Variants in CBX6 observed in about 807,000 individuals in gnomAD.
CBX6 encodes the protein chromobox protein homolog 6.
CBX6 carries 7 observed loss-of-function variants against 28.4 expected under a neutral mutation model. The observed-to-expected ratio is 0.25, with a 90% CI of 0.14 to 0.46. The LOEUF (loss-of-function observed/expected upper bound fraction) is 0.46. Ranked by LOEUF, CBX6 falls within the 20% of genes least tolerant of loss-of-function variation. The probability of loss-of-function intolerance (pLI) is 0.99; values close to 1 mark genes in which losing one functional copy is unlikely to be tolerated. For synonymous variants in CBX6, 297 were observed against 273.4 expected, an observed-to-expected ratio of 1.09 and a Z score of -0.85; for missense variants, 512 against 606.1, an observed-to-expected ratio of 0.84 and a Z score of 1.63.
chr22:38,866,649 G>A lies in CBX6; in HGVS notation c.799C>T (p.Pro267Ser). ...GAGCCAGAGCTGCGGGCGTCGTAGG[G>A]GGCGGCGGGGGCGGCCAGAAGTAGC... ...PGLLLAAPAA[P>S]YDARSSGSSG... Residue 267 changes from proline to serine, a missense_variant, in exon 5 of 5, where the codon CCC (proline) becomes TCC (serine). Pro to Ser is a moderately conservative substitution (Grantham distance 74). Coordinates refer to ENST00000407418, the MANE Select transcript of CBX6 (RefSeq NM_014292.5). The surrounding 1 kb of genome is among the most constrained non-coding windows in gnomAD (Gnocchi z 7.5). 6.6e-7 allele frequency: 1 copy of A among 1,525,584 alleles called. No individual in the cohort carries two copies. The highest frequency in any genetic ancestry group is 8.8e-7 in the Non-Finnish European group (1 of 1,141,548). The allele number at this position is 1,525,584 out of a possible 1,614,324, so 94.5% of individuals were successfully genotyped here. A position where few individuals can be genotyped will look rare whatever the true frequency, so the allele number is the denominator to read the frequency against.
rs2093163060 is a variant in CBX6 at position 38,863,767 on chromosome 22, G to A, written c.*2442C>T. On this transcript the variant is annotated 3_prime_UTR_variant, in exon 5 of 5. Transcript: ENST00000407418. Reference sequence around the variant, plus strand: ...GAAGCCTGCATCCCCTTTCAGGCCAGGGAGGCTCAGAGAGGTTGTGGGCTT... The same window carrying A: ...GAAGCCTGCATCCCCTTTCAGGCCAAGGAGGCTCAGAGAGGTTGTGGGCTT... 6.6e-6 allele frequency: 1 copy of A among 152,232 alleles called. No homozygotes were observed. Among genetic ancestry groups the A allele is most frequent in the Non-Finnish European group, 1.5e-5 (1 of 68,072 alleles). 9.4% of individuals were successfully genotyped at this position (152,232 alleles called of 1,614,324 possible).
Position 38,871,684 on chromosome 22 carries a change from C to CAACT in CBX6, c.179+4_179+7dup. On this transcript the variant is annotated splice_region_variant and intron_variant, in intron 3 of 4. Coordinates refer to ENST00000407418, the MANE Select transcript of CBX6 (RefSeq NM_014292.5). This position sits in a 1 kb window ranked among gnomAD's most constrained non-coding sequence, Gnocchi z 5.6. ...TCGCAGCCCCTGCCAGCTTCCCCAACAACTCACTTTTGTTCGAAGGCTGCA... is the reference window on the plus strand; with the variant it reads ...TCGCAGCCCCTGCCAGCTTCCCCAACAACTAACTCACTTTTGTTCGAAGGCTGCA... The CAACT allele has an allele frequency of 1.9e-6, 3 of 1,613,450 alleles. No homozygotes were observed. Among genetic ancestry groups the CAACT allele is most frequent in the Non-Finnish European group, 2.5e-6 (3 of 1,179,660 alleles).
At chr22:38,867,228 G>GGCCC in intron 4 of CBX6, 27 bp from the exon 5 acceptor site, 1 of 518,866 alleles carries the variant, frequency 1.9e-6, no homozygotes, top group Non-Finnish European at 3.6e-6. Context: ...GGGTGGGTGG[G>GGCCC]ACCTCAGGAC....
chr22:38,871,962 A>G lies in CBX6; in HGVS notation c.70-17T>C. ...GATGCGTCCCTGAAAAACAGAGGGG[A>G]GAAAAACGGGGGTGGGGGTGGGGAG... On this transcript the variant is annotated splice_polypyrimidine_tract_variant and intron_variant, in intron 1 of 4. Transcript: ENST00000407418. The surrounding 1 kb of genome is among the most constrained non-coding windows in gnomAD (Gnocchi z 5.6). 2 of 1,515,508 alleles carry G rather than the reference A, an allele frequency of 1.3e-6. No individual in the cohort carries two copies. The highest frequency in any genetic ancestry group is 8.9e-7 in the Non-Finnish European group (1 of 1,127,512). 93.9% of individuals were successfully genotyped at this position (1,515,508 alleles called of 1,614,324 possible). A position where few individuals can be genotyped will look rare whatever the true frequency, so the allele number is the denominator to read the frequency against.
chr22:38,871,276 C>T lies in CBX6; in HGVS notation c.246+204G>A, dbSNP rs551036057. 16 of 655,318 alleles carry T rather than the reference C, an allele frequency of 2.4e-5. No individual in the cohort carries two copies. The highest frequency in any genetic ancestry group is 2.4e-4 in the African/African-American group (13 of 55,114). The allele number at this position is 655,318 out of a possible 1,614,324, so 40.6% of individuals were successfully genotyped here. ...GGGAGGATTATCCCCAGTCCCAAAA[C>T]CCTCTTGTTGAAGCTGATGCTGGCT... On this transcript the variant is annotated intron_variant, in intron 4 of 4. Coordinates refer to ENST00000407418, the MANE Select transcript of CBX6 (RefSeq NM_014292.5). This position sits in a 1 kb window ranked among gnomAD's most constrained non-coding sequence, Gnocchi z 5.6.
At chr22:38,867,225 T>TGGGGG in intron 4 of CBX6, 24 bp from the exon 5 acceptor site, 4 of 441,602 alleles carry the variant, frequency 9.1e-6, no homozygotes, top group East Asian at 6.3e-5. Flanking sequence ...GAGGGGTGGG[T>TGGGGG]GGGACCTCAG....
chr22:38,871,456 G>A lies in CBX6; in HGVS notation c.246+24C>T. ...GGGGCTGGGGGCCCGAGAGGGGGAT[G>A]CTGCTGGGGCTGGGCCAGGTTACCT... On this transcript the variant is annotated intron_variant, in intron 4 of 4. Transcript: ENST00000407418. This position sits in a 1 kb window ranked among gnomAD's most constrained non-coding sequence, Gnocchi z 5.6. The A allele has an allele frequency of 6.3e-7, 1 of 1,592,474 alleles. No individual in the cohort carries two copies. The highest frequency in any genetic ancestry group is 8.6e-7 in the Non-Finnish European group (1 of 1,169,464).
rs2093159172 is a variant in CBX6, at chr22:38,862,396, T to C, written c.*3813A>G. ...ACTAAAACCTTTCAATGTCTTCCTT[T>C]TTTCTTTAAAAGTGTTTCCTCAAAC... is the stretch of plus-strand genomic sequence containing the variant. On this transcript the variant is annotated 3_prime_UTR_variant, in exon 5 of 5. Coordinates refer to ENST00000407418, the MANE Select transcript of CBX6 (RefSeq NM_014292.5). 6.6e-6 allele frequency: 1 copy of C among 151,538 alleles called. No individual in the cohort carries two copies. The highest frequency in any genetic ancestry group is 6.6e-5 in the Admixed American group (1 of 15,234). The allele number at this position is 151,538 out of a possible 1,614,324, so 9.4% of individuals were successfully genotyped here.
At chr22:38,868,141 G>T (rs1568996498) in intron 4 of CBX6, among the ~76,000 whole-genome samples, 1 of 152,204 alleles carries the variant, frequency 6.6e-6, no homozygotes, top group Non-Finnish European at 1.5e-5. Context: ...CCACTAAATG[G>T]AGAGAGGCTA....
At chr22:38,868,329 G>A (rs73159326) in intron 4 of CBX6, among the ~76,000 whole-genome samples, 17 of 152,300 alleles carry the variant, frequency 1.1e-4, no homozygotes, top group African/African-American at 3.8e-4. Context: ...AAGTGATTTC[G>A]TGCAGCGAAA....
At position 38,866,876 on chromosome 22, in the gene CBX6, C is replaced by T. The variant is rs773674436; in HGVS notation, c.572G>A (p.Gly191Glu). 1.1e-5 allele frequency: 18 copies of T among 1,599,370 alleles called. No individual in the cohort carries two copies. Among genetic ancestry groups the T allele is most frequent in the Non-Finnish European group, 1.5e-5 (18 of 1,174,460 alleles). The part of the protein sequence containing the change: ...IDKGAGGGGA[G>E]QGAGALARPK... ...GCGGGCCAGCGCCCCGGCCCCCTGC[C>T]CGGCGCCCCCGCCGCCAGCGCCCTT... Residue 191 changes from glycine to glutamate, a missense_variant, in exon 5 of 5, where the codon GGG (glycine) becomes GAG (glutamate). Around this residue, in one of 7 missense-constraint regions of CBX6, gnomAD observed 290 missense variants for 274.1 expected, o/e 1.06. Coordinates refer to ENST00000407418, the MANE Select transcript of CBX6 (RefSeq NM_014292.5). The surrounding 1 kb of genome is among the most constrained non-coding windows in gnomAD (Gnocchi z 7.5).
Position 38,867,187 on chromosome 22 carries a change from GGCCTGGGCCCGC to G in CBX6, c.249_260del (p.Arg84_Ala87del). ...GCACATCACTGATGCGGAGGGCCTC[GGCCTGGGCCCGC>G]GCCTGCGGGCAGAGGGAGGGGTGGG... On this transcript the variant is annotated inframe_deletion and splice_region_variant, in exon 5 of 5. Coordinates refer to ENST00000407418, the MANE Select transcript of CBX6 (RefSeq NM_014292.5). The G allele has an allele frequency of 6.5e-7, 1 of 1,539,872 alleles. No individual in the cohort carries two copies. Among genetic ancestry groups the G allele is most frequent in the Non-Finnish European group, 8.7e-7 (1 of 1,148,512 alleles).
rs760043211 is a variant in CBX6 at position 38,866,574 on chromosome 22, G to C, written c.874C>G (p.Pro292Ala). 5 of 1,575,226 alleles carry C rather than the reference G, an allele frequency of 3.2e-6. No individual in the cohort carries two copies. The highest frequency in any genetic ancestry group is 2.3e-5 in the East Asian group (1 of 43,976). The change falls in exon 5 of 5, where the codon CCC becomes GCC. Residue 292 changes from proline (P) to alanine (A), a missense_variant. Physicochemically the swap from Pro to Ala is conservative, Grantham distance 27. Transcript: ENST00000407418. This position sits in a 1 kb window ranked among gnomAD's most constrained non-coding sequence, Gnocchi z 7.5. ...ACGGTCTCGGGGAGGAGCTTGGGGG[G>C]CGTGTCGTCGGGGTCAGAGGACTGT... is the stretch of plus-strand genomic sequence containing the variant. ...TPQSSDPDDT[P>A]PKLLPETVSP... is the part of the protein sequence containing the mutation.
intron 4 of CBX6, among the ~76,000 whole-genome samples, chr22:38,869,111 C>A (rs1195125081): frequency 6.6e-6 from 1 of 152,224 alleles, no homozygotes; most frequent in Non-Finnish European, 1.5e-5. Context: ...CCCTCAGACC[C>A]CTTCCCACAC....
Position 38,872,065 on chromosome 22 carries a change from CCCCCGG to C in CBX6, c.69+51_69+56del. 3.9e-6 allele frequency: 5 copies of C among 1,283,756 alleles called. No individual in the cohort carries two copies. The highest frequency in any genetic ancestry group is 3.4e-5 in the East Asian group (1 of 29,570). 79.5% of individuals were successfully genotyped at this position (1,283,756 alleles called of 1,614,324 possible). ...TAGCGGGACCGCTTCGCCCCGAGGG[CCCCCGG>C]CCCCGGCCCCGGCTGCGGACAGCGG... On this transcript the variant is annotated intron_variant, in intron 1 of 4. Transcript: ENST00000407418. This position sits in a 1 kb window ranked among gnomAD's most constrained non-coding sequence, Gnocchi z 5.0.
rs1439685974 is a variant in CBX6, at chr22:38,870,682, A to T, written c.246+798T>A. 2 of 152,258 alleles carry T rather than the reference A, an allele frequency of 1.3e-5. No individual in the cohort carries two copies. Among genetic ancestry groups the T allele is most frequent in the Non-Finnish European group, 2.9e-5 (2 of 68,046 alleles). The allele number at this position is 152,258 out of a possible 1,614,324, so 9.4% of individuals were successfully genotyped here. ...GGCATCCGTAGCACTACAGGAAGAC[A>T]GGGGGCCCACTGAGTCCCACCTGCA... On this transcript the variant is annotated intron_variant, in intron 4 of 4. Coordinates refer to ENST00000407418, the MANE Select transcript of CBX6 (RefSeq NM_014292.5). The surrounding 1 kb of genome is among the most constrained non-coding windows in gnomAD (Gnocchi z 4.3).
chr22:38,867,149 T>A lies in CBX6; in HGVS notation c.299A>T (p.Lys100Met), dbSNP rs370769383. 2 of 1,565,468 alleles carry A rather than the reference T, an allele frequency of 1.3e-6. No individual in the cohort carries two copies. The highest frequency in any genetic ancestry group is 1.7e-6 in the Non-Finnish European group (2 of 1,159,816). The change falls in exon 5 of 5, where the codon AAG becomes ATG. Residue 100 changes from lysine to methionine, a missense_variant. By Grantham distance (95) the Lys-to-Met change is moderately conservative (BLOSUM62 -1). Transcript: ENST00000407418. Reference protein sequence around the residue: ...LRISDVHFSVKPSASASSPKL... With the variant: ...LRISDVHFSVMPSASASSPKL... ...GGGCGAGGAGGCACTGGCGCTCGGC[T>A]TGACAGAGAAATGCACATCACTGAT... is the stretch of plus-strand genomic sequence containing the variant.
In CBX6 at chr22:38,862,959, C is replaced by T. The variant is rs2093161040; in HGVS notation, c.*3250G>A. 1 of 152,288 alleles carries T rather than the reference C, an allele frequency of 6.6e-6. No individual in the cohort carries two copies. Among genetic ancestry groups the T allele is most frequent in the Non-Finnish European group, 1.5e-5 (1 of 68,066 alleles). The allele number at this position is 152,288 out of a possible 1,614,324, so 9.4% of individuals were successfully genotyped here. ...GGGCCATCCCCCCAACTCTGTCCAC[C>T]TCACACTGAAGTTGGGGACTTGATC... On this transcript the variant is annotated 3_prime_UTR_variant, in exon 5 of 5. Transcript: ENST00000407418.
chr22:38,867,228 G>GGGGA, intron 4 of CBX6, 27 bp from the exon 5 acceptor site: 1 of 518,866 alleles, frequency 1.9e-6, no homozygotes. Flanking sequence ...GGGTGGGTGG[G>GGGGA]ACCTCAGGAC....
Sources: allele counts gnomAD v4.1 joint callset (sites outside exome capture counted in the v4.1 genomes callset), GRCh38; gene constraint gnomAD v4.1.1; regional missense constraint gnomAD v4.1.1; non-coding constraint Gnocchi (gnomAD v3.1); transcripts MANE v1.5; gene names NCBI Gene and HGNC (gene_info 2026-07-23, HGNC 2026-07-21).